GPCPD1: variants seen among roughly 807,000 people sequenced by gnomAD.
GPCPD1 encodes glycerophosphocholine phosphodiesterase 1, also known as glycerophosphocholine phosphodiesterase GPCPD1.
GPCPD1 carries 29 observed loss-of-function variants against 89.2 expected under a neutral mutation model. The observed-to-expected ratio is 0.33, with a 90% CI of 0.24 to 0.44. The LOEUF (loss-of-function observed/expected upper bound fraction) is 0.44. Among genes scored for constraint, GPCPD1 ranks in the 20% least tolerant of loss-of-function variants. GPCPD1 has a pLI of 1.00. For synonymous variants in GPCPD1, 258 were observed against 266.3 expected (o/e 0.97, Z 0.30); for missense variants, 594 against 808.9 (o/e 0.73, Z 3.22).
intron 1 of GPCPD1, among the ~76,000 whole-genome samples, chr20:5,605,553 C>T (rs533675596): frequency 6.2e-4 from 95 of 152,208 alleles, no homozygotes; most frequent in African/African-American, 2.2e-3. Context: ...CCGAGGAGGG[C>T]AGATCACTTG....
intron 5 of GPCPD1, 185 bp downstream of exon 5, chr20:5,586,009 A>C (rs1978895534): frequency 4.6e-6 from 2 of 436,126 alleles, no homozygotes; most frequent in Non-Finnish European, 8.2e-6. Flanking sequence ...AATAAAGTTT[A>C]TTTTAAGAGG....
chr20:5,557,929 C>A lies in GPCPD1; in HGVS notation c.1829+16G>T. 7.1e-7 allele frequency: 1 copy of A among 1,410,404 alleles called. No homozygotes were observed. Among genetic ancestry groups the A allele is most frequent in the Admixed American group, 2.1e-5 (1 of 48,714 alleles). The allele number at this position is 1,410,404 out of a possible 1,614,324, so 87.4% of individuals were successfully genotyped here. A position where few individuals can be genotyped will look rare whatever the true frequency, so the allele number is the denominator to read the frequency against. The stretch of plus-strand genomic sequence containing the variant: ...ACTTCTAAATTCCATGAAAATTTTT[C>A]ATGAAAAACAAATACCTATCATAAA... On this transcript the variant is annotated intron_variant, in intron 19 of 19. Coordinates refer to ENST00000379019, the MANE Select transcript of GPCPD1 (RefSeq NM_019593.5).
intron 3 of GPCPD1, among the ~76,000 whole-genome samples, chr20:5,595,508 G>C (rs1979650188): frequency 1.3e-5 from 2 of 151,978 alleles, no homozygotes; most frequent in Non-Finnish European, 2.9e-5. Context: ...AGGCGAGATG[G>C]CACAAGCCTG....
At chr20:5,570,659 A>G (rs1254963443) in intron 11 of GPCPD1, among the ~76,000 whole-genome samples, 2 of 152,174 alleles carry the variant, frequency 1.3e-5, no homozygotes, top group African/African-American at 4.8e-5. Flanking sequence ...TAAGCTGCAA[A>G]GTGCCTTAGC....
chr20:5,562,292 ATTAT>A (rs1986131696), intron 15 of GPCPD1, among the ~76,000 whole-genome samples: 1 of 152,106 alleles, frequency 6.6e-6, no homozygotes, highest in African/African-American at 2.4e-5. Flanking sequence ...TTATATTATT[ATTAT>A]TTTTGAGGCA....
At chr20:5,590,935 A>G (rs1170665677) in intron 4 of GPCPD1, among the ~76,000 whole-genome samples, 1 of 152,228 alleles carries the variant, frequency 6.6e-6, no homozygotes. Flanking sequence ...AAAAATTTCA[A>G]AGGATACAAT....
At chr20:5,598,190 A>AAAAC (rs139757361) in intron 3 of GPCPD1, among the ~76,000 whole-genome samples, 36,487 of 151,546 alleles carry the variant, frequency 0.24, 4,535 homozygotes, top group African/African-American at 0.3. Flanking sequence ...AAAACCCCAA[A>AAAAC]AAACAAACAA....
At chr20:5,573,830 CCTAA>C in intron 11 of GPCPD1, 81 bp downstream of exon 11, 1 of 810,450 alleles carries the variant, frequency 1.2e-6, no homozygotes, top group Non-Finnish European at 2.2e-6. Flanking sequence ...GAGATATTCC[CCTAA>C]CTATTAATAA....
intron 11 of GPCPD1, among the ~76,000 whole-genome samples, chr20:5,570,506 C>T (rs953805093): frequency 2.7e-5 from 4 of 150,922 alleles, no homozygotes; most frequent in Non-Finnish European, 4.4e-5. Flanking sequence ...AGACAGCCTT[C>T]GGGGCTGTTA....
At chr20:5,555,013 G>T (rs1217903405) in intron 19 of GPCPD1, among the ~76,000 whole-genome samples, 3 of 152,192 alleles carry the variant, frequency 2.0e-5, no homozygotes, top group African/African-American at 7.2e-5. Flanking sequence ...CCTAGAAATA[G>T]AAGTGGAACC....
At chr20:5,567,036 G>T (rs978589225) in intron 13 of GPCPD1, among the ~76,000 whole-genome samples, 11 of 152,002 alleles carry the variant, frequency 7.2e-5, no homozygotes, top group Non-Finnish European at 1.5e-4. Flanking sequence ...ATTTATTTAG[G>T]TTCCTAATAG....
intron 15 of GPCPD1, among the ~76,000 whole-genome samples, chr20:5,561,905 T>A (rs1986105793): frequency 6.6e-6 from 1 of 152,216 alleles, no homozygotes; most frequent in Non-Finnish European, 1.5e-5. Context: ...CTACACTGCA[T>A]TTGGGGATGT....
chr20:5,550,810 T>C (rs978061686), intron 19 of GPCPD1, among the ~76,000 whole-genome samples: 16 of 152,138 alleles, frequency 1.1e-4, no homozygotes, highest in African/African-American at 3.4e-4. Context: ...ATAAAACTCA[T>C]TGAACCAAGA....
At position 5,570,248 on chromosome 20, in the gene GPCPD1, A is replaced by C; in HGVS notation, c.1057-9T>G. 6.9e-7 allele frequency: 1 copy of C among 1,446,126 alleles called. No individual in the cohort carries two copies. The highest frequency in any genetic ancestry group is 9.7e-7 in the Non-Finnish European group (1 of 1,032,088). The allele number at this position is 1,446,126 out of a possible 1,614,324, so 89.6% of individuals were successfully genotyped here. On this transcript the variant is annotated splice_polypyrimidine_tract_variant and intron_variant, in intron 11 of 19. Coordinates refer to ENST00000379019, the MANE Select transcript of GPCPD1 (RefSeq NM_019593.5). ...TCTACAAAGGCTGCACCCTGACAGA[A>C]GGAAGCAAGTATTTGAAAAACATTG...
intron 6 of GPCPD1, among the ~76,000 whole-genome samples, chr20:5,580,698 C>G (rs1456390896): frequency 1.3e-5 from 2 of 149,358 alleles, no homozygotes; most frequent in Admixed American, 6.7e-5. Context: ...TGCACTCCAG[C>G]CTGGGCGGCA....
intron 13 of GPCPD1, among the ~76,000 whole-genome samples, chr20:5,567,266 T>C (rs954465078): frequency 1.3e-5 from 2 of 152,100 alleles, no homozygotes; most frequent in African/African-American, 4.8e-5. Flanking sequence ...CGTTCCTTCA[T>C]AAATACAAAA....
Position 5,573,353 on chromosome 20 carries a change from T to C in GPCPD1, c.1056+562A>G, listed in dbSNP as rs202003676. Reference sequence around the variant, plus strand: ...TGCCCATCTCGGCCTCCCAAAGTGCTGGGATTACAGGCATCAGCCACTGTG... The same window carrying C: ...TGCCCATCTCGGCCTCCCAAAGTGCCGGGATTACAGGCATCAGCCACTGTG... On this transcript the variant is annotated intron_variant, in intron 11 of 19. Transcript: ENST00000379019. Among the ~76,000 whole-genome samples the C allele has an allele frequency of 7.1e-4, 108 of 152,332 alleles. 5 individuals are homozygous for C. In the East Asian group the frequency reaches 0.017, roughly 23 times the overall value.
intron 4 of GPCPD1, among the ~76,000 whole-genome samples, chr20:5,586,834 A>G (rs1978959968): frequency 6.6e-6 from 1 of 152,230 alleles, no homozygotes; most frequent in African/African-American, 2.4e-5. Flanking sequence ...AAGATTTCTC[A>G]TATCATAGGA....
At chr20:5,602,100 G>A (rs1163062009) in intron 2 of GPCPD1, among the ~76,000 whole-genome samples, 4 of 152,226 alleles carry the variant, frequency 2.6e-5, no homozygotes, top group Non-Finnish European at 5.9e-5. Flanking sequence ...ATTTAGCAGA[G>A]GGTCCTTCCT....
Sources: allele counts gnomAD v4.1 joint callset (sites outside exome capture counted in the v4.1 genomes callset), GRCh38; gene constraint gnomAD v4.1.1; transcripts MANE v1.5; gene names NCBI Gene and HGNC (gene_info 2026-07-23, HGNC 2026-07-21).